Variants in SLC30A8 observed in about 807,000 individuals in gnomAD.
The protein encoded by SLC30A8 is solute carrier family 30 member 8, also known as proton-coupled zinc antiporter SLC30A8.
Under a neutral mutation model 36.9 loss-of-function variants are expected in SLC30A8, and 27 were observed. The observed-to-expected ratio is 0.73, with a 90% CI of 0.54 to 1.01. The LOEUF is 1.01. Among genes scored for constraint, SLC30A8 ranks in the 50% least tolerant of loss-of-function variants. The pLI, the probability that SLC30A8 is intolerant of heterozygous loss-of-function variation, is 0.00. For synonymous variants in SLC30A8, 164 were observed against 172.4 expected, an observed-to-expected ratio of 0.95 and a Z score of 0.38; for missense variants, 439 against 452.0, an observed-to-expected ratio of 0.97 and a Z score of 0.26.
intron 5 of SLC30A8, among the ~76,000 whole-genome samples, chr8:117,162,858 C>G (rs138045262): frequency 6.6e-6 from 1 of 152,136 alleles, no homozygotes; most frequent in African/African-American, 2.4e-5. Context: ...CACCCTGAGG[C>G]GACTGAGCAA....
intron 1 of SLC30A8, among the ~76,000 whole-genome samples, chr8:117,140,461 T>G (rs1821599833): frequency 6.6e-6 from 1 of 151,866 alleles, no homozygotes; most frequent in African/African-American, 2.4e-5. Context: ...GTAAAACTAT[T>G]AAAAGCAAAA....
intron 2 of SLC30A8, among the ~76,000 whole-genome samples, chr8:117,073,157 G>GCAATTCTA (rs1300152912): frequency 6.6e-6 from 1 of 152,056 alleles, no homozygotes; most frequent in Non-Finnish European, 1.5e-5. Flanking sequence ...TAAAGTAGAT[G>GCAATTCTA]CAATTCTACA....
At chr8:116,994,062 A>G (rs546575521) in intron 1 of SLC30A8, among the ~76,000 whole-genome samples, 2 of 152,108 alleles carry the variant, frequency 1.3e-5, no homozygotes, top group Non-Finnish European at 2.9e-5. Flanking sequence ...AAAAAAAGAA[A>G]GAAAAAAAGC....
intron 1 of SLC30A8, among the ~76,000 whole-genome samples, chr8:116,967,892 G>A (rs547741560): frequency 4.6e-5 from 7 of 152,156 alleles, no homozygotes; most frequent in South Asian, 2.1e-4. Flanking sequence ...GAATCGTCCC[G>A]GTTTTCTCTC....
intron 2 of SLC30A8, among the ~76,000 whole-genome samples, chr8:117,127,038 G>A (rs1820935356): frequency 6.6e-6 from 1 of 152,020 alleles, no homozygotes; most frequent in South Asian, 2.1e-4. Flanking sequence ...CCAGTTCAGT[G>A]GAAACTGTCT....
chr8:117,062,473 C>CAGA (rs1818048384), intron 2 of SLC30A8, among the ~76,000 whole-genome samples: 1 of 152,154 alleles, frequency 6.6e-6, no homozygotes. Context: ...GTTTTTTAAA[C>CAGA]GATCAGATCT....
intron 1 of SLC30A8, among the ~76,000 whole-genome samples, chr8:117,008,997 G>A (rs1394465029): frequency 1.3e-5 from 2 of 152,142 alleles, no homozygotes; most frequent in African/African-American, 4.8e-5. Context: ...AATAATACAG[G>A]ATTACTTGGG....
At chr8:117,010,399 C>A (rs1816307166) in intron 1 of SLC30A8, among the ~76,000 whole-genome samples, 1 of 152,070 alleles carries the variant, frequency 6.6e-6, no homozygotes, top group South Asian at 2.1e-4. Context: ...AGCTCCACGG[C>A]CTAGTAGTTG....
chr8:117,031,621 C>T (rs1817053056), intron 1 of SLC30A8, among the ~76,000 whole-genome samples: 1 of 152,022 alleles, frequency 6.6e-6, no homozygotes, highest in Admixed American at 6.6e-5. Context: ...CCACCACACC[C>T]AGCTCATTTA....
At chr8:117,161,700 G>T in intron 4 of SLC30A8, 38 bp from the exon 5 acceptor site, 1 of 1,575,690 alleles carries the variant, frequency 6.3e-7, no homozygotes, top group South Asian at 1.2e-5. Context: ...TTTTAAGACT[G>T]ACCTCATGTG....
At chr8:117,128,651 A>G (rs1209527879) in intron 2 of SLC30A8, 3 of 152,112 alleles carry the variant, frequency 2.0e-5, no homozygotes, top group Non-Finnish European at 4.4e-5. Context: ...AATTAAAAAA[A>G]TGTTAAAAGT....
At chr8:116,997,633 A>G (rs1815865244) in intron 1 of SLC30A8, among the ~76,000 whole-genome samples, 1 of 152,300 alleles carries the variant, frequency 6.6e-6, no homozygotes, top group South Asian at 2.1e-4. Context: ...TGGAAATTTT[A>G]TTTTAGTCAG....
chr8:117,134,505 C>A (rs1213794233), upstream of SLC30A8, among the ~76,000 whole-genome samples: 2 of 151,932 alleles, frequency 1.3e-5, no homozygotes, highest in Non-Finnish European at 2.9e-5. Context: ...CTCCCAGGAG[C>A]AACTCAGAGG....
At chr8:117,112,331 G>A (rs1294558462) in intron 2 of SLC30A8, among the ~76,000 whole-genome samples, 1 of 152,124 alleles carries the variant, frequency 6.6e-6, no homozygotes, top group African/African-American at 2.4e-5. Context: ...AAGCTCTGTT[G>A]TATTCATCCC....
At chr8:117,067,654 A>G (rs1353148954) in intron 2 of SLC30A8, among the ~76,000 whole-genome samples, 2 of 152,216 alleles carry the variant, frequency 1.3e-5, no homozygotes, top group Non-Finnish European at 2.9e-5. Flanking sequence ...GAATGAGATC[A>G]TATTCTGATG....
intron 1 of SLC30A8, among the ~76,000 whole-genome samples, chr8:117,144,748 A>G (rs560644811): frequency 2.6e-5 from 4 of 152,272 alleles, no homozygotes; most frequent in South Asian, 2.1e-4. Context: ...TTGTGATGCA[A>G]TCATCTTATT....
rs561887821 is a variant in SLC30A8, at chr8:117,106,008, T to A, written c.-225-29272T>A. 3.3e-5 allele frequency among the ~76,000 whole-genome samples: 5 copies of A among 152,168 alleles called. No homozygotes were observed. The South Asian group carries it at 1.0e-3, about 31-fold the overall frequency. On this transcript the variant is annotated intron_variant, in intron 2 of 10. Transcript: ENST00000427715. ...AATGTACATCATACTTTGTCAGACT[T>A]TTTTTTCAGTTGCAGCTCTTCGTTG...
At chr8:117,045,417 T>C (rs1455487037) in intron 2 of SLC30A8, among the ~76,000 whole-genome samples, 1 of 152,192 alleles carries the variant, frequency 6.6e-6, no homozygotes, top group Non-Finnish European at 1.5e-5. Context: ...TTATTTGGTA[T>C]TCATCAAAGA....
At chr8:117,142,029 G>C (rs977898518) in intron 1 of SLC30A8, among the ~76,000 whole-genome samples, 3 of 152,086 alleles carry the variant, frequency 2.0e-5, no homozygotes, top group African/African-American at 7.2e-5. Context: ...AAGGGTGGGA[G>C]TTCAACTGAG....
Sources: allele counts gnomAD v4.1 joint callset (sites outside exome capture counted in the v4.1 genomes callset), GRCh38; gene constraint gnomAD v4.1.1; transcripts MANE v1.5; gene names NCBI Gene and HGNC (gene_info 2026-07-23, HGNC 2026-07-21).